The following SGCZ variants were observed in gnomAD, a reference collection of about 807,000 sequenced individuals.
The protein encoded by SGCZ is sarcoglycan zeta.
Under a neutral mutation model 41.3 loss-of-function variants are expected in SGCZ, and 40 were observed. The observed-to-expected ratio is 0.97, with a 90% CI of 0.75 to 1.26. The LOEUF is 1.26. Ranked by LOEUF, SGCZ falls within the 50% of genes most tolerant of loss-of-function variation. The pLI is 0.00. For synonymous variants in SGCZ, 206 were observed against 137.5 expected, an observed-to-expected ratio of 1.50 and a Z score of -3.49; for missense variants, 552 against 369.8, an observed-to-expected ratio of 1.49 and a Z score of -4.04.
intron 3 of SGCZ, among the ~76,000 whole-genome samples, chr8:14,290,603 A>T (rs1054790941): frequency 6.6e-6 from 1 of 152,198 alleles, no homozygotes; most frequent in Non-Finnish European, 1.5e-5. Flanking sequence ...ATCACTCATC[A>T]TTACAAAAAT....
At chr8:15,162,610 A>C (rs1374749798) in intron 1 of SGCZ, among the ~76,000 whole-genome samples, 1 of 152,226 alleles carries the variant, frequency 6.6e-6, no homozygotes, top group Non-Finnish European at 1.5e-5. Flanking sequence ...GAAATAACAA[A>C]TTCAGTCTAA....
intron 2 of SGCZ, among the ~76,000 whole-genome samples, chr8:14,393,221 G>A (rs1015579079): frequency 6.6e-6 from 1 of 152,078 alleles, no homozygotes; most frequent in African/African-American, 2.4e-5. Context: ...TAAATATATG[G>A]GAGTCCTCAG....
chr8:14,452,542 C>A (rs901535970), intron 2 of SGCZ, among the ~76,000 whole-genome samples: 1 of 151,696 alleles, frequency 6.6e-6, no homozygotes, highest in Non-Finnish European at 1.5e-5. Context: ...ACATCCTGGG[C>A]ATGCATATAC....
chr8:14,876,527 T>C (rs1292440915), intron 1 of SGCZ, among the ~76,000 whole-genome samples: 3 of 152,264 alleles, frequency 2.0e-5, no homozygotes, highest in African/African-American at 7.2e-5. Context: ...TCAACAACTC[T>C]GTGACTATAC....
chr8:14,949,036 T>A (rs976853911), intron 1 of SGCZ, among the ~76,000 whole-genome samples: 10 of 152,060 alleles, frequency 6.6e-5, no homozygotes, highest in African/African-American at 2.4e-4. Context: ...TACTGCCAAA[T>A]CACAATATCC....
intron 2 of SGCZ, among the ~76,000 whole-genome samples, chr8:14,457,113 AGATAT>A (rs1315731255): frequency 6.6e-6 from 1 of 152,250 alleles, no homozygotes; most frequent in East Asian, 1.9e-4. Flanking sequence ...TATACCTCTC[AGATAT>A]GATTATATAT....
chr8:15,196,414 C>T (rs1800733349), intron 1 of SGCZ, among the ~76,000 whole-genome samples: 1 of 152,090 alleles, frequency 6.6e-6, no homozygotes, highest in African/African-American at 2.4e-5. Flanking sequence ...GTCCAGTAAG[C>T]TTAGGAATCA....
intron 1 of SGCZ, among the ~76,000 whole-genome samples, chr8:14,867,617 T>C (rs1269953854): frequency 6.6e-6 from 1 of 152,082 alleles, no homozygotes; most frequent in Non-Finnish European, 1.5e-5. Context: ...GCATCTGTTA[T>C]TTTTTGACTG....
At chr8:14,574,136 A>T (rs923564926) in intron 1 of SGCZ, among the ~76,000 whole-genome samples, 10 of 152,160 alleles carry the variant, frequency 6.6e-5, no homozygotes. Context: ...GAAGCATTTG[A>T]TGCAGGTTTC....
intron 1 of SGCZ, among the ~76,000 whole-genome samples, chr8:14,628,597 AAG>A (rs1463507368): frequency 2.0e-5 from 3 of 152,102 alleles, no homozygotes; most frequent in Non-Finnish European, 4.4e-5. Context: ...TTTCAAATGC[AAG>A]AGAGGAGCTC....
intron 1 of SGCZ, among the ~76,000 whole-genome samples, chr8:14,826,588 A>G (rs1306122853): frequency 3.9e-5 from 6 of 152,256 alleles, no homozygotes; most frequent in Non-Finnish European, 7.4e-5. Flanking sequence ...CATCCTCTCC[A>G]GCACCTGTTG....
intron 2 of SGCZ, among the ~76,000 whole-genome samples, chr8:14,449,230 A>G (rs992762891): frequency 3.9e-5 from 6 of 152,218 alleles, no homozygotes; most frequent in Non-Finnish European, 8.8e-5. Flanking sequence ...GTTATGCTAT[A>G]GTAATGAACT....
At chr8:14,333,897 GATGTTTAGGAAGTCT>G (rs1269737628) in intron 2 of SGCZ, among the ~76,000 whole-genome samples, 1 of 152,132 alleles carries the variant, frequency 6.6e-6, no homozygotes, top group African/African-American at 2.4e-5. Flanking sequence ...TGTCTCCACA[GATGTTTAGGAAGTCT>G]ATGTAAAGAT....
intron 1 of SGCZ, among the ~76,000 whole-genome samples, chr8:15,106,596 T>C (rs920672806): frequency 6.6e-6 from 1 of 152,178 alleles, no homozygotes; most frequent in African/African-American, 2.4e-5. Flanking sequence ...ATTTACCTTT[T>C]ATAACCTGTC....
At chr8:14,774,147 T>C (rs1800331277) in intron 1 of SGCZ, among the ~76,000 whole-genome samples, 1 of 152,162 alleles carries the variant, frequency 6.6e-6, no homozygotes, top group South Asian at 2.1e-4. Flanking sequence ...GTTAGCTTTA[T>C]ACAATTAGTC....
At chr8:14,473,090 A>C (rs1005673225) in intron 2 of SGCZ, among the ~76,000 whole-genome samples, 5 of 152,186 alleles carry the variant, frequency 3.3e-5, no homozygotes, top group African/African-American at 7.2e-5. Context: ...GTTAAAATAA[A>C]TAACTAACTG....
intron 1 of SGCZ, among the ~76,000 whole-genome samples, chr8:14,701,356 C>T (rs1809130883): frequency 6.6e-6 from 1 of 151,900 alleles, no homozygotes; most frequent in Non-Finnish European, 1.5e-5. Flanking sequence ...TCTCTCTCCC[C>T]TGAGTGGTGA....
intron 2 of SGCZ, among the ~76,000 whole-genome samples, chr8:14,427,547 G>A (rs7815232): frequency 0.88 from 133,959 of 152,018 alleles, 59,584 homozygotes; most frequent in Non-Finnish European, 0.94. Flanking sequence ...CGTCTCCCCA[G>A]GAGATTAGAA....
intron 1 of SGCZ, among the ~76,000 whole-genome samples, chr8:15,100,691 A>G (rs1806574795): frequency 6.6e-6 from 1 of 152,212 alleles, no homozygotes; most frequent in South Asian, 2.1e-4. Flanking sequence ...TAACTTCAAG[A>G]CTTACTGTAG....
Sources: allele counts gnomAD v4.1 joint callset (sites outside exome capture counted in the v4.1 genomes callset), GRCh38; gene constraint gnomAD v4.1.1; transcripts MANE v1.5; gene names NCBI Gene and HGNC (gene_info 2026-07-23, HGNC 2026-07-21).